Variants in PLCH1 observed in about 807,000 individuals in gnomAD.
PLCH1 encodes the protein phospholipase C eta 1, also known as 1-phosphatidylinositol 4,5-bisphosphate phosphodiesterase eta-1.
PLCH1 carries 60 observed loss-of-function variants against 126.7 expected under a neutral mutation model. The observed-to-expected ratio is 0.47, with a 90% CI of 0.38 to 0.59. The LOEUF (loss-of-function observed/expected upper bound fraction) is 0.59, where lower values mean the gene tolerates loss of function less well. Among genes scored for constraint, PLCH1 ranks in the 20% least tolerant of loss-of-function variants. The pLI, the probability that PLCH1 is intolerant of heterozygous loss-of-function variation, is 0.00. For synonymous variants in PLCH1, 719 were observed against 734.9 expected, an observed-to-expected ratio of 0.98 and a Z score of 0.35; for missense variants, 1,723 against 2,040.0, an observed-to-expected ratio of 0.84 and a Z score of 2.99.
intron 12 of PLCH1, among the ~76,000 whole-genome samples, chr3:155,505,492 CATAAATGGA>C (rs1185750158): frequency 1.3e-5 from 2 of 152,126 alleles, no homozygotes; most frequent in Non-Finnish European, 2.9e-5. Context: ...CAGGTAACCA[CATAAATGGA>C]ATAAATGTGG....
intron 2 of PLCH1, among the ~76,000 whole-genome samples, chr3:155,700,097 A>T (rs1420012524): frequency 6.6e-6 from 1 of 152,168 alleles, no homozygotes; most frequent in Non-Finnish European, 1.5e-5. Flanking sequence ...CACCTGAAAG[A>T]CAGGGAAACT....
At chr3:155,573,315 A>T (rs1411078220) in intron 6 of PLCH1, among the ~76,000 whole-genome samples, 1 of 152,216 alleles carries the variant, frequency 6.6e-6, no homozygotes, top group African/African-American at 2.4e-5. Context: ...ATAGATGGTC[A>T]CTAACCCTTG....
At chr3:155,626,595 C>T (rs1395411455) in intron 2 of PLCH1, among the ~76,000 whole-genome samples, 1 of 151,516 alleles carries the variant, frequency 6.6e-6, no homozygotes, top group Non-Finnish European at 1.5e-5. Context: ...CGGTGAGACC[C>T]CATCTCTACT....
At chr3:155,587,598 G>T (rs1290670915) in intron 4 of PLCH1, among the ~76,000 whole-genome samples, 1 of 152,216 alleles carries the variant, frequency 6.6e-6, no homozygotes, top group African/African-American at 2.4e-5. Context: ...GTAATGTGAA[G>T]TACAAACATA....
At chr3:155,739,684 A>G (rs1192716068) in intron 1 of PLCH1, among the ~76,000 whole-genome samples, 3 of 152,206 alleles carry the variant, frequency 2.0e-5, no homozygotes, top group Admixed American at 6.5e-5. Flanking sequence ...ATTCCTGAGT[A>G]GTAATAGGAT....
At chr3:155,654,129 A>G (rs1741094471) in intron 2 of PLCH1, among the ~76,000 whole-genome samples, 1 of 151,012 alleles carries the variant, frequency 6.6e-6, no homozygotes, top group Non-Finnish European at 1.5e-5. Context: ...CCGCAGCAGC[A>G]TTTCACCCAG....
intron 8 of PLCH1, among the ~76,000 whole-genome samples, chr3:155,562,372 T>A (rs1318907933): frequency 1.3e-5 from 2 of 152,224 alleles, no homozygotes; most frequent in Non-Finnish European, 2.9e-5. Flanking sequence ...TCTTCTAGTC[T>A]CTTAATCTTA....
In PLCH1 at chr3:155,485,567, C is replaced by G. The variant is rs1714932947; in HGVS notation, c.2763G>C (p.Arg921Ser). The G allele has an allele frequency of 6.2e-7, 1 of 1,614,066 alleles. No homozygotes were observed. Among genetic ancestry groups the G allele is most frequent in the Non-Finnish European group, 8.5e-7 (1 of 1,180,036 alleles). Reference sequence around the variant, plus strand: ...CTTGGAAGCCCATTTTGCTCTTTTTCCTGCCTTTGGCTGGGGCGCTAGCTG... The same window carrying G: ...CTTGGAAGCCCATTTTGCTCTTTTTGCTGCCTTTGGCTGGGGCGCTAGCTG... ...RRTASAPAKGRKKSKMGFQEM... is the reference protein window; with the variant it reads ...RRTASAPAKGSKKSKMGFQEM... The change falls in exon 22 of 23, where the codon AGG becomes AGC. Residue 921 changes from arginine to serine, a missense_variant. By Grantham distance (110) the Arg-to-Ser change is moderately radical (BLOSUM62 -1). Transcript: ENST00000460012.
At chr3:155,592,174 TAAAAAAAAAAA>T (rs11329108) in intron 4 of PLCH1, among the ~76,000 whole-genome samples, 2 of 129,308 alleles carry the variant, frequency 1.5e-5, no homozygotes, top group African/African-American at 2.9e-5. Context: ...TTTTCTCTTT[TAAAAAAAAAAA>T]AAAAAAAAAA....
intron 2 of PLCH1, among the ~76,000 whole-genome samples, chr3:155,697,634 T>G (rs414126): frequency 0.4 from 60,750 of 151,946 alleles, 12,919 homozygotes; most frequent in African/African-American, 0.53. Flanking sequence ...TCAAGTCCTT[T>G]CAGTCTGTAG....
intron 13 of PLCH1, among the ~76,000 whole-genome samples, chr3:155,502,703 T>C (rs73011575): frequency 0.012 from 1,838 of 152,332 alleles, 31 homozygotes; most frequent in African/African-American, 0.042. Flanking sequence ...TATCATACCA[T>C]AGAATCTACT....
At chr3:155,583,442 T>C (rs1730962148) in intron 6 of PLCH1, 30 bp downstream of exon 6, 1 of 1,530,292 alleles carries the variant, frequency 6.5e-7, no homozygotes, top group Non-Finnish European at 8.8e-7. Context: ...TACTTTTAAG[T>C]AAACTTTCAT....
chr3:155,734,161 C>T (rs1376098145), intron 1 of PLCH1, among the ~76,000 whole-genome samples: 6 of 151,674 alleles, frequency 4.0e-5, no homozygotes, highest in Non-Finnish European at 7.4e-5. Context: ...GGAGGTTCCT[C>T]GAAAAATCAA....
chr3:155,661,839 C>T (rs1424103560), intron 2 of PLCH1, among the ~76,000 whole-genome samples: 1 of 152,216 alleles, frequency 6.6e-6, no homozygotes, highest in Non-Finnish European at 1.5e-5. Flanking sequence ...GCTCAGAGCA[C>T]TCAGGTAGTT....
chr3:155,519,848 T>C (rs528289890), intron 11 of PLCH1, among the ~76,000 whole-genome samples: 29 of 152,010 alleles, frequency 1.9e-4, no homozygotes, highest in Non-Finnish European at 3.4e-4. Flanking sequence ...CAATTTTTTT[T>C]TCCTTTGGCT....
At chr3:155,534,523 G>C (rs1576935308) in intron 10 of PLCH1, among the ~76,000 whole-genome samples, 1 of 152,136 alleles carries the variant, frequency 6.6e-6, no homozygotes. Context: ...ATGAGACTTT[G>C]GACTTGGACT....
chr3:155,519,743 T>TA (rs1219164127), intron 11 of PLCH1, among the ~76,000 whole-genome samples: 143 of 93,916 alleles, frequency 1.5e-3, no homozygotes, highest in African/African-American at 2.4e-3. Context: ...AACTTTGCAT[T>TA]AAAAAAAAAA....
intron 2 of PLCH1, among the ~76,000 whole-genome samples, chr3:155,622,502 G>A (rs1258398289): frequency 6.6e-6 from 1 of 151,956 alleles, no homozygotes; most frequent in Non-Finnish European, 1.5e-5. Context: ...TTGGTGTGCT[G>A]TATTCAGGAG....
intron 1 of PLCH1, among the ~76,000 whole-genome samples, chr3:155,738,303 A>C (rs1318587856): frequency 6.6e-6 from 1 of 152,196 alleles, no homozygotes; most frequent in Non-Finnish European, 1.5e-5. Flanking sequence ...GGAAGAAAGA[A>C]GACCCAGAAG....
Sources: gnomAD v4.1 joint callset for allele counts (sites outside exome capture counted in the v4.1 genomes callset) on GRCh38, gnomAD v4.1.1 for gene constraint, MANE v1.5 for transcripts, NCBI Gene and HGNC (gene_info 2026-07-23, HGNC 2026-07-21) for gene names.